The following CORIN variants were observed in gnomAD, a reference collection of about 807,000 sequenced individuals.
CORIN encodes atrial natriuretic peptide-converting enzyme.
In CORIN, 117 loss-of-function variants were observed where a neutral mutation model predicts 125.3. That is an observed-to-expected ratio of 0.93 (90% CI 0.80 to 1.09). The LOEUF is 1.09. CORIN is among the 50% of genes least tolerant of loss of function. The pLI is 0.00. For synonymous variants in CORIN, 450 were observed against 466.4 expected (o/e 0.96, Z 0.45); for missense variants, 1,253 against 1,306.7 (o/e 0.96, Z 0.63).
At chr4:47,750,007 T>C (rs1318315512) in intron 4 of CORIN, among the ~76,000 whole-genome samples, 1 of 152,206 alleles carries the variant, frequency 6.6e-6, no homozygotes, top group Non-Finnish European at 1.5e-5. Context: ...AGTCCAGTGC[T>C]CCCAAATATC....
chr4:47,762,405 A>G (rs1174192979), intron 4 of CORIN, among the ~76,000 whole-genome samples: 3 of 152,234 alleles, frequency 2.0e-5, no homozygotes, highest in African/African-American at 7.2e-5. Flanking sequence ...AAAATAATTG[A>G]TGTTATATGT....
chr4:47,764,510 C>T (rs1259397314), intron 3 of CORIN, among the ~76,000 whole-genome samples: 1 of 152,156 alleles, frequency 6.6e-6, no homozygotes, highest in Admixed American at 6.5e-5. Context: ...TTTATTGTTG[C>T]TGCTTAAACA....
At chr4:47,780,000 G>T (rs1457318581) in intron 3 of CORIN, among the ~76,000 whole-genome samples, 1 of 152,062 alleles carries the variant, frequency 6.6e-6, no homozygotes, top group Non-Finnish European at 1.5e-5. Context: ...CACTGAGGGG[G>T]AAAAAGCTAG....
chr4:47,705,465 T>A (rs770924194), intron 5 of CORIN, among the ~76,000 whole-genome samples: 17 of 152,212 alleles, frequency 1.1e-4, no homozygotes, highest in Non-Finnish European at 2.4e-4. Flanking sequence ...ACCTAGAGCC[T>A]TTCTAAAGCA....
chr4:47,705,572 T>G (rs1162254216), intron 5 of CORIN, among the ~76,000 whole-genome samples: 2 of 152,226 alleles, frequency 1.3e-5, no homozygotes, highest in African/African-American at 4.8e-5. Context: ...GATTTCCTAA[T>G]AGTCAAAACT....
intron 5 of CORIN, among the ~76,000 whole-genome samples, chr4:47,708,257 G>A (rs1726669075): frequency 6.6e-6 from 1 of 152,200 alleles, no homozygotes; most frequent in South Asian, 2.1e-4. Flanking sequence ...ATAAAATCAA[G>A]GTGTTGGCAA....
chr4:47,772,310 G>T (rs1730081466), intron 3 of CORIN, among the ~76,000 whole-genome samples: 1 of 152,212 alleles, frequency 6.6e-6, no homozygotes, highest in Non-Finnish European at 1.5e-5. Flanking sequence ...CGGCCGATGT[G>T]TAGGAAGAGG....
intron 5 of CORIN, among the ~76,000 whole-genome samples, chr4:47,698,868 AT>A (rs1273075512): frequency 6.6e-6 from 1 of 152,230 alleles, no homozygotes. Context: ...ATATGTTTAC[AT>A]ACACAAATGC....
intron 5 of CORIN, among the ~76,000 whole-genome samples, chr4:47,716,378 T>C (rs1273125881): frequency 6.6e-6 from 1 of 152,192 alleles, no homozygotes; most frequent in Non-Finnish European, 1.5e-5. Flanking sequence ...GCTATACCAA[T>C]GAATGAGAGA....
intron 1 of CORIN, among the ~76,000 whole-genome samples, chr4:47,830,642 T>C (rs929108580): frequency 4.6e-5 from 7 of 152,218 alleles, no homozygotes; most frequent in Non-Finnish European, 1.0e-4. Context: ...GCCTGTATAG[T>C]TGAATTCTCA....
chr4:47,603,740 A>C, intron 19 of CORIN, 72 bp from the exon 20 acceptor site: 1 of 1,509,244 alleles, frequency 6.6e-7, no homozygotes, highest in Non-Finnish European at 8.9e-7. Context: ...ATGTAATTTT[A>C]AAACATTTTA....
chr4:47,729,367 C>T (rs1383544340), intron 5 of CORIN, among the ~76,000 whole-genome samples: 2 of 152,180 alleles, frequency 1.3e-5, no homozygotes, highest in African/African-American at 4.8e-5. Context: ...TCTTCTTCAT[C>T]TCATTTTTGA....
intron 1 of CORIN, among the ~76,000 whole-genome samples, chr4:47,821,042 C>A (rs1056274481): frequency 1.1e-4 from 17 of 152,052 alleles, no homozygotes; most frequent in Admixed American, 2.6e-4. Context: ...CAAGCCCAGC[C>A]TGGCCAATAT....
chr4:47,663,572 G>A (rs2109668893), intron 11 of CORIN, among the ~76,000 whole-genome samples: 1 of 152,186 alleles, frequency 6.6e-6, no homozygotes, highest in East Asian at 1.9e-4. Context: ...TTGGTCTTAT[G>A]CATTTTAATA....
In CORIN at chr4:47,690,256, GAAAGAA is replaced by G. The variant is rs937383608; in HGVS notation, c.913+2708_913+2713del. ...AGGACAAGTCAAAGGCAGACGAGCT[GAAAGAA>G]AAAGCATTAGATTTTGAACCATTTA... is the stretch of plus-strand genomic sequence containing the variant. On this transcript the variant is annotated intron_variant, in intron 6 of 21. Transcript: ENST00000273857. 1.8e-4 allele frequency among the ~76,000 whole-genome samples: 27 copies of G among 152,270 alleles called. No homozygotes were observed. In the East Asian group the frequency reaches 2.5e-3, roughly 14 times the overall value.
chr4:47,767,631 T>C (rs1399319117), intron 3 of CORIN, among the ~76,000 whole-genome samples: 1 of 152,062 alleles, frequency 6.6e-6, no homozygotes, highest in African/African-American at 2.4e-5. Flanking sequence ...GCCAGGAAAA[T>C]AAATATAAAC....
intron 5 of CORIN, among the ~76,000 whole-genome samples, chr4:47,733,486 G>A (rs17601663): frequency 0.19 from 29,497 of 152,114 alleles, 2,997 homozygotes; most frequent in East Asian, 0.3. Flanking sequence ...AGCAGCAACC[G>A]GAGCTAGGCA....
intron 5 of CORIN, among the ~76,000 whole-genome samples, chr4:47,714,882 G>A (rs34708295): frequency 0.098 from 14,971 of 152,186 alleles, 864 homozygotes; most frequent in East Asian, 0.27. Flanking sequence ...CACTAGAAAA[G>A]CTGTGTGACA....
intron 10 of CORIN, among the ~76,000 whole-genome samples, chr4:47,672,174 T>C (rs926847553): frequency 1.3e-5 from 2 of 152,186 alleles, no homozygotes. Context: ...GCCTGTCTCC[T>C]TTCTCCACCA....
Sources: gnomAD v4.1 joint callset for allele counts (sites outside exome capture counted in the v4.1 genomes callset) on GRCh38, gnomAD v4.1.1 for gene constraint, MANE v1.5 for transcripts, NCBI Gene and HGNC (gene_info 2026-07-23, HGNC 2026-07-21) for gene names.